PTPRG: variants seen among roughly 807,000 people sequenced by gnomAD.
The protein encoded by PTPRG is protein tyrosine phosphatase receptor type G.
Under a neutral mutation model 165.3 loss-of-function variants are expected in PTPRG, and 102 were observed. That is an observed-to-expected ratio of 0.62 (90% CI 0.53 to 0.73). PTPRG has a LOEUF of 0.73. Ranked by LOEUF, PTPRG falls within the 30% of genes least tolerant of loss-of-function variation. The pLI, the probability that PTPRG is intolerant of heterozygous loss-of-function variation, is 0.00. For synonymous variants in PTPRG, 675 were observed against 669.5 expected, an observed-to-expected ratio of 1.01 and a Z score of -0.13; for missense variants, 1,866 against 1,861.4, an observed-to-expected ratio of 1.00 and a Z score of -0.05.
chr3:61,663,879 A>G (rs1329731379), intron 1 of PTPRG, among the ~76,000 whole-genome samples: 1 of 152,136 alleles, frequency 6.6e-6, no homozygotes, highest in Non-Finnish European at 1.5e-5. Flanking sequence ...CTCAGGCAGT[A>G]ATGCTCTCTT....
intron 5 of PTPRG, among the ~76,000 whole-genome samples, chr3:62,130,967 A>G (rs892788642): frequency 2.0e-5 from 3 of 151,932 alleles, no homozygotes; most frequent in Non-Finnish European, 2.9e-5. Flanking sequence ...AATGTTTACA[A>G]TGTAGTAGCA....
At chr3:62,197,569 G>T (rs146206018) in intron 10 of PTPRG, among the ~76,000 whole-genome samples, 121 of 152,234 alleles carry the variant, frequency 7.9e-4, no homozygotes, top group African/African-American at 2.8e-3. Context: ...GCCAAGGCCA[G>T]GTCTGTGCTG....
At chr3:62,157,918 G>T (rs1313730224) in intron 7 of PTPRG, among the ~76,000 whole-genome samples, 1 of 152,224 alleles carries the variant, frequency 6.6e-6, no homozygotes. Context: ...AGAGAGATGG[G>T]TATTCACATA....
intron 26 of PTPRG, 85 bp downstream of exon 26, chr3:62,277,764 G>GC: frequency 6.5e-7 from 1 of 1,534,632 alleles, no homozygotes. Context: ...TAGGGCTATA[G>GC]TATCCATATA....
At chr3:61,906,444 C>T (rs2038656423) in intron 2 of PTPRG, among the ~76,000 whole-genome samples, 2 of 149,524 alleles carry the variant, frequency 1.3e-5, no homozygotes, top group Admixed American at 1.3e-4. Context: ...TGACAATGCT[C>T]AACTCCACCT....
chr3:62,247,313 G>A (rs1177315724), intron 15 of PTPRG, among the ~76,000 whole-genome samples: 1 of 151,984 alleles, frequency 6.6e-6, no homozygotes, highest in Non-Finnish European at 1.5e-5. Context: ...CCACCTCTTG[G>A]CATACGACTG....
chr3:61,564,942 C>T (rs950952254), intron 1 of PTPRG, among the ~76,000 whole-genome samples: 5 of 152,246 alleles, frequency 3.3e-5, no homozygotes, highest in African/African-American at 1.2e-4. Context: ...CTACTTCTTG[C>T]CTGCTATGAC....
chr3:61,697,802 T>C (rs1460429141), intron 1 of PTPRG, among the ~76,000 whole-genome samples: 1 of 152,206 alleles, frequency 6.6e-6, no homozygotes, highest in Non-Finnish European at 1.5e-5. Flanking sequence ...CCTCAACCAT[T>C]TGGCCCTTCT....
chr3:62,250,398 A>G (rs2106969837), intron 15 of PTPRG, among the ~76,000 whole-genome samples: 1 of 152,328 alleles, frequency 6.6e-6, no homozygotes, highest in African/African-American at 2.4e-5. Flanking sequence ...TGGCCTTACC[A>G]GGAGCTGTGT....
At chr3:62,057,589 G>C (rs1416198284) in intron 4 of PTPRG, among the ~76,000 whole-genome samples, 8 of 152,218 alleles carry the variant, frequency 5.3e-5, no homozygotes, top group Non-Finnish European at 1.2e-4. Context: ...TGAACTCTGA[G>C]CTTTACTGCA....
In PTPRG at chr3:62,252,400, T is replaced by G. The variant is rs1701444593; in HGVS notation, c.2468-2724T>G. 6.6e-6 allele frequency among the ~76,000 whole-genome samples: 1 copy of G among 152,234 alleles called. No homozygotes were observed. The highest frequency in any genetic ancestry group is 6.5e-5 in the Admixed American group (1 of 15,282). ...TCTGCCATTCTAAACTTTTTTCAGC[T>G]GCAAGATGCATATGAAAACAGTATG... On this transcript the variant is annotated intron_variant, in intron 15 of 29. Coordinates refer to ENST00000474889, the MANE Select transcript of PTPRG (RefSeq NM_002841.4). The surrounding 1 kb of genome is among the most constrained non-coding windows in gnomAD (Gnocchi z 4.6).
intron 1 of PTPRG, among the ~76,000 whole-genome samples, chr3:61,577,274 A>G (rs1182701256): frequency 2.0e-5 from 3 of 152,210 alleles, no homozygotes; most frequent in Admixed American, 6.5e-5. Flanking sequence ...CATACCAAGT[A>G]CTCGGATGAC....
At chr3:62,092,455 A>AAAAAAAG in intron 5 of PTPRG, among the ~76,000 whole-genome samples, 1 of 150,706 alleles carries the variant, frequency 6.6e-6, no homozygotes, top group South Asian at 2.1e-4. Flanking sequence ...AAAAAAAAAA[A>AAAAAAAG]AAAAGAAAAA....
chr3:61,619,716 G>A (rs1234456524), intron 1 of PTPRG, among the ~76,000 whole-genome samples: 1 of 152,188 alleles, frequency 6.6e-6, no homozygotes, highest in Admixed American at 6.5e-5. Flanking sequence ...TTTTCTGGAA[G>A]AAGTCAACAA....
In PTPRG at chr3:62,273,869, G is replaced by A. The variant is rs1326424430; in HGVS notation, c.3465+25G>A. On this transcript the variant is annotated intron_variant, in intron 23 of 29. Transcript: ENST00000474889. The surrounding 1 kb of genome is among the most constrained non-coding windows in gnomAD (Gnocchi z 4.1). ...GGTAGTGCTTTGAAAAAGTTTCTTT[G>A]GCATAAAGCAAGAAAATGTTTTAAA... 8.1e-6 allele frequency: 13 copies of A among 1,608,198 alleles called. No homozygotes were observed. In the South Asian group the frequency reaches 1.4e-4, roughly 18 times the overall value.
intron 2 of PTPRG, among the ~76,000 whole-genome samples, chr3:61,851,233 T>G (rs1335252955): frequency 6.6e-6 from 1 of 152,192 alleles, no homozygotes; most frequent in Non-Finnish European, 1.5e-5. Flanking sequence ...CTAGCTGAGC[T>G]GAAAACTCCA....
chr3:62,251,818 C>G (rs1458477043), intron 15 of PTPRG, among the ~76,000 whole-genome samples: 1 of 152,124 alleles, frequency 6.6e-6, no homozygotes, highest in Non-Finnish European at 1.5e-5. Context: ...GGGTTCAAAT[C>G]TCAGCTCTGC....
chr3:61,820,959 C>T (rs1288860025), intron 2 of PTPRG, among the ~76,000 whole-genome samples: 1 of 151,984 alleles, frequency 6.6e-6, no homozygotes, highest in Non-Finnish European at 1.5e-5. Context: ...TTACGCCAAG[C>T]ATTTCAAATA....
chr3:62,171,453 T>G (rs11708260), intron 8 of PTPRG, among the ~76,000 whole-genome samples: 13,223 of 152,254 alleles, frequency 0.087, 754 homozygotes, highest in Non-Finnish European at 0.12. Context: ...ACAGCTATGG[T>G]AAATGTATAA....
Sources: gnomAD v4.1 joint callset for allele counts (sites outside exome capture counted in the v4.1 genomes callset) on GRCh38, gnomAD v4.1.1 for gene constraint, Gnocchi (gnomAD v3.1) non-coding constraint, MANE v1.5 for transcripts, NCBI Gene and HGNC (gene_info 2026-07-23, HGNC 2026-07-21) for gene names.